Variants in PCDH7 observed in about 807,000 individuals in gnomAD.
PCDH7 encodes the protein protocadherin-7.
A neutral mutation model predicts 58.9 loss-of-function variants in PCDH7; 17 were observed. The ratio of observed to expected loss-of-function variants is 0.29; its 90% confidence interval spans 0.20 to 0.43. The LOEUF is 0.43. Ranked by LOEUF, PCDH7 falls within the 20% of genes least tolerant of loss-of-function variation. The pLI is 1.00. For synonymous variants in PCDH7, 664 were observed against 616.4 expected, an observed-to-expected ratio of 1.08 and a Z score of -1.14; for missense variants, 1,274 against 1,441.0, an observed-to-expected ratio of 0.88 and a Z score of 1.88.
At chr4:31,051,300 C>T (rs2109220819) in intron 3 of PCDH7, among the ~76,000 whole-genome samples, 1 of 152,206 alleles carries the variant, frequency 6.6e-6, no homozygotes, top group African/African-American at 2.4e-5. Context: ...AGACCATATC[C>T]CCTGCATCTG....
chr4:31,020,252 AT>A (rs1395463319), intron 3 of PCDH7, among the ~76,000 whole-genome samples: 1 of 152,226 alleles, frequency 6.6e-6, no homozygotes, highest in Non-Finnish European at 1.5e-5. Context: ...CTTAGTGAGA[AT>A]TCTATCATGC....
chr4:30,899,819 T>G (rs1739978356), intron 1 of PCDH7, among the ~76,000 whole-genome samples: 1 of 152,098 alleles, frequency 6.6e-6, no homozygotes, highest in Admixed American at 6.5e-5. Flanking sequence ...CATTGGGTCT[T>G]GCCATAACTA....
chr4:30,770,559 T>C (rs1307030789), intron 1 of PCDH7, among the ~76,000 whole-genome samples: 1 of 152,164 alleles, frequency 6.6e-6, no homozygotes, highest in African/African-American at 2.4e-5. Flanking sequence ...GCCTTATAGA[T>C]TCATTCACTG....
At chr4:31,098,662 A>G (rs1364450251) in intron 3 of PCDH7, among the ~76,000 whole-genome samples, 1 of 152,180 alleles carries the variant, frequency 6.6e-6, no homozygotes, top group Non-Finnish European at 1.5e-5. Flanking sequence ...TATAAATGGT[A>G]GTTTTCAAGA....
At chr4:30,731,137 C>G (rs1430291220) in exon 2 of PCDH7, 1 of 1,023,712 alleles carries the variant, frequency 9.8e-7, no homozygotes, top group Non-Finnish European at 1.2e-6. Flanking sequence ...TTTGTGTGAA[C>G]AAAGGGAAAT....
At chr4:31,012,824 C>A (rs1023846754) in intron 3 of PCDH7, among the ~76,000 whole-genome samples, 2 of 149,644 alleles carry the variant, frequency 1.3e-5, no homozygotes, top group Non-Finnish European at 3.0e-5. Context: ...GGCAACAAAG[C>A]GAGAGATGGT....
rs141576591 is a variant in PCDH7, at chr4:30,831,074, T to C, written c.71-89079T>C. Among the ~76,000 whole-genome samples, 9 of 152,192 alleles carry C rather than the reference T, an allele frequency of 5.9e-5. No individual in the cohort carries two copies. In the East Asian group the frequency reaches 1.7e-3, roughly 29 times the overall value. On this transcript the variant is annotated intron_variant, in intron 1 of 3. Transcript: ENST00000509759. ...CCACTAGTTAACGGTTTCCCACAGG[T>C]GTATTTTAATTCATTCTTAGGCATT...
In PCDH7 at chr4:30,721,680, G is replaced by C. The variant is rs773488237; in HGVS notation, c.258G>C (p.Thr86=). The change falls in exon 1 of 2, where the codon ACG becomes ACC. Residue 86 remains threonine, a synonymous_variant. Transcript: ENST00000361762. This position sits in a 1 kb window ranked among gnomAD's most constrained non-coding sequence, Gnocchi z 6.7. ...ACAACCTCACTGGCGAGCTGAGCAC[G>C]AGCGAGCGGCGCATCGACCGCGAGA... 3.1e-6 allele frequency: 5 copies of C among 1,613,878 alleles called. No homozygotes were observed. The highest frequency in any genetic ancestry group is 2.2e-5 in the East Asian group (1 of 44,872).
chr4:31,053,404 C>T (rs771418690), intron 3 of PCDH7, among the ~76,000 whole-genome samples: 5 of 151,932 alleles, frequency 3.3e-5, no homozygotes, highest in African/African-American at 7.3e-5. Flanking sequence ...ATCATCCTTC[C>T]ATCGAGGCCA....
At chr4:31,084,896 G>C (rs754578517) in intron 3 of PCDH7, among the ~76,000 whole-genome samples, 3 of 152,002 alleles carry the variant, frequency 2.0e-5, no homozygotes, top group African/African-American at 7.2e-5. Context: ...GCACTAAGCC[G>C]TTCATGAAGG....
intron 1 of PCDH7, among the ~76,000 whole-genome samples, chr4:30,853,398 T>C (rs2109348291): frequency 6.6e-6 from 1 of 152,210 alleles, no homozygotes; most frequent in Non-Finnish European, 1.5e-5. Flanking sequence ...GTCTTCTAGG[T>C]GTAGCCACAA....
At chr4:31,035,656 C>T (rs1245718777) in intron 3 of PCDH7, among the ~76,000 whole-genome samples, 3 of 152,182 alleles carry the variant, frequency 2.0e-5, no homozygotes, top group African/African-American at 7.2e-5. Context: ...TTTAGGCGAG[C>T]ATGACATTAG....
intron 2 of PCDH7, among the ~76,000 whole-genome samples, chr4:30,942,563 A>G (rs1746167907): frequency 6.6e-6 from 1 of 152,026 alleles, no homozygotes; most frequent in Non-Finnish European, 1.5e-5. Context: ...TTGAAGATCA[A>G]AGATGGCATG....
intron 1 of PCDH7, among the ~76,000 whole-genome samples, chr4:30,748,992 G>A (rs1176504414): frequency 6.6e-6 from 1 of 151,916 alleles, no homozygotes; most frequent in Non-Finnish European, 1.5e-5. Flanking sequence ...CTTTTTTCTT[G>A]CAAGAGTCCA....
chr4:30,739,148 T>A (rs1321929535), intron 1 of PCDH7, among the ~76,000 whole-genome samples: 3 of 146,666 alleles, frequency 2.0e-5, no homozygotes, highest in Non-Finnish European at 4.5e-5. Flanking sequence ...ATATATATAT[T>A]TTATATATAT....
At chr4:31,088,741 T>C (rs1021507404) in intron 3 of PCDH7, among the ~76,000 whole-genome samples, 1 of 152,034 alleles carries the variant, frequency 6.6e-6, no homozygotes, top group African/African-American at 2.4e-5. Context: ...GTGCATCTGC[T>C]CTCTTAGAAT....
At chr4:30,870,252 G>T (rs1378158809) in intron 1 of PCDH7, among the ~76,000 whole-genome samples, 1 of 151,950 alleles carries the variant, frequency 6.6e-6, no homozygotes, top group African/African-American at 2.4e-5. Context: ...CACTCTGATG[G>T]TAGTTTATTT....
intron 1 of PCDH7, among the ~76,000 whole-genome samples, chr4:30,759,401 C>T (rs1719741286): frequency 6.6e-6 from 1 of 152,150 alleles, no homozygotes; most frequent in Non-Finnish European, 1.5e-5. Context: ...GAATGAGTTT[C>T]TTAGAATTCG....
chr4:31,106,968 T>C (rs1715651819), intron 3 of PCDH7, among the ~76,000 whole-genome samples: 3 of 152,194 alleles, frequency 2.0e-5, no homozygotes, highest in South Asian at 4.1e-4. Context: ...AACTTCTCTA[T>C]CCTACTCATA....
Sources: gnomAD v4.1 joint callset for allele counts (sites outside exome capture counted in the v4.1 genomes callset) on GRCh38, gnomAD v4.1.1 for gene constraint, Gnocchi (gnomAD v3.1) non-coding constraint, MANE v1.5 for transcripts, NCBI Gene and HGNC (gene_info 2026-07-23, HGNC 2026-07-21) for gene names.